Variants in USP28 observed in about 807,000 individuals in gnomAD.
The protein encoded by USP28 is ubiquitin carboxyl-terminal hydrolase 28.
Under a neutral mutation model 145.0 loss-of-function variants are expected in USP28, and 113 were observed. The observed-to-expected ratio is 0.78, with a 90% confidence interval of 0.67 to 0.91. The LOEUF (loss-of-function observed/expected upper bound fraction) is 0.91, where lower values mean the gene tolerates loss of function less well. Ranked by LOEUF, USP28 falls within the 40% of genes least tolerant of loss-of-function variation. USP28 has a pLI of 0.00. For synonymous variants in USP28, 447 were observed against 450.9 expected (o/e 0.99, Z 0.11); for missense variants, 1,201 against 1,289.6 (o/e 0.93, Z 1.05).
chr11:113,831,305 C>T (rs1020600948), intron 8 of USP28, among the ~76,000 whole-genome samples: 3 of 152,134 alleles, frequency 2.0e-5, no homozygotes, highest in Non-Finnish European at 4.4e-5. Flanking sequence ...AACTCTGTTG[C>T]ATAGTTTTAC....
intron 1 of USP28, among the ~76,000 whole-genome samples, chr11:113,864,736 A>G (rs1431698335): frequency 6.6e-6 from 1 of 152,232 alleles, no homozygotes; most frequent in Non-Finnish European, 1.5e-5. Context: ...CAGTCTACTG[A>G]TTCAATGTTA....
chr11:113,874,489 G>C (rs1270014622), intron 1 of USP28: 1 of 1,094,462 alleles, frequency 9.1e-7, no homozygotes, highest in Admixed American at 2.8e-5. Flanking sequence ...CCAGACAAAA[G>C]AGTAAAAAGG....
chr11:113,821,906 T>G (rs1591249570), intron 12 of USP28: 2 of 143,146 alleles, frequency 1.4e-5, no homozygotes, highest in Admixed American at 7.2e-5. Flanking sequence ...TGGTGGAGGG[T>G]GTGAGGGTGG....
At chr11:113,851,218 T>C (rs1385092237) in intron 3 of USP28, among the ~76,000 whole-genome samples, 1 of 152,156 alleles carries the variant, frequency 6.6e-6, no homozygotes, top group African/African-American at 2.4e-5. Context: ...CCACATTCTG[T>C]TCTCAACACC....
At chr11:113,874,798 A>T in intron 1 of USP28, 1 of 1,108,218 alleles carries the variant, frequency 9.0e-7, no homozygotes, top group Non-Finnish European at 1.1e-6. Flanking sequence ...TATTGATTTC[A>T]ATCTTCTTAG....
rs755831902 is a variant in USP28 at position 113,801,449 on chromosome 11, A to T, written c.3058+34T>A. 2.0e-6 allele frequency: 3 copies of T among 1,481,470 alleles called. No individual in the cohort carries two copies. The South Asian group carries it at 4.4e-5, about 22-fold the overall frequency. The allele number at this position is 1,481,470 out of a possible 1,614,324, so 91.8% of individuals were successfully genotyped here. A position where few individuals can be genotyped will look rare whatever the true frequency, so the allele number is the denominator to read the frequency against. On this transcript the variant is annotated intron_variant, in intron 24 of 24. Transcript: ENST00000003302. ...GAACACTGAAATTTCTACAATTCTC[A>T]AAACCTCAGAATATTATTACCAAGA... is the stretch of plus-strand genomic sequence containing the variant.
At chr11:113,867,063 T>C (rs569639179) in intron 1 of USP28, among the ~76,000 whole-genome samples, 3 of 152,312 alleles carry the variant, frequency 2.0e-5, no homozygotes, top group East Asian at 1.9e-4. Context: ...GCATGATCCA[T>C]TTACATGAAA....
At chr11:113,803,132 C>T (rs1250710781) in intron 23 of USP28, 26 bp downstream of exon 24, 6 of 1,598,482 alleles carry the variant, frequency 3.8e-6, no homozygotes, top group East Asian at 2.2e-5. Context: ...ACAAAAAAAC[C>T]TTAAGGCTTT....
At chr11:113,874,657 T>C (rs1949191740) in intron 1 of USP28, 6 of 1,271,036 alleles carry the variant, frequency 4.7e-6, no homozygotes, top group African/African-American at 1.6e-5. Flanking sequence ...TGTTAAGTTA[T>C]AACATTCCGA....
At chr11:113,831,764 G>A (rs371154023) in intron 8 of USP28, among the ~76,000 whole-genome samples, 156 bp downstream of exon 8, 148 of 152,000 alleles carry the variant, frequency 9.7e-4, no homozygotes, top group African/African-American at 3.0e-3. Context: ...AGCTGAAGGC[G>A]ACAGGGATAC....
chr11:113,868,453 T>C (rs1311755793), intron 1 of USP28, among the ~76,000 whole-genome samples: 1 of 152,116 alleles, frequency 6.6e-6, no homozygotes, highest in Non-Finnish European at 1.5e-5. Flanking sequence ...AAGTGGTAAG[T>C]CAGAAACTTT....
At chr11:113,839,275 G>C (rs1469322350) in intron 5 of USP28, among the ~76,000 whole-genome samples, 1 of 152,174 alleles carries the variant, frequency 6.6e-6, no homozygotes, top group Non-Finnish European at 1.5e-5. Flanking sequence ...AGGCACCTCA[G>C]ACTCGGCATA....
intron 1 of USP28, among the ~76,000 whole-genome samples, chr11:113,874,084 T>C (rs1228678694): frequency 7.0e-6 from 1 of 143,030 alleles, no homozygotes. Flanking sequence ...GAAGTTGCAG[T>C]GAGCCGAGAT....
chr11:113,861,855 A>G lies in USP28; in HGVS notation c.58-7520T>C, dbSNP rs1455836506. 2.0e-5 allele frequency among the ~76,000 whole-genome samples: 3 copies of G among 152,354 alleles called. No individual in the cohort carries two copies. The East Asian group carries it at 5.8e-4, about 29-fold the overall frequency. On this transcript the variant is annotated intron_variant, in intron 1 of 24. Transcript: ENST00000003302. The stretch of plus-strand genomic sequence containing the variant: ...AATATGAGAAATGAGGCTGACAAAC[A>G]TATCGAACACATCTCCAAAAATGAA...
intron 3 of USP28, among the ~76,000 whole-genome samples, chr11:113,843,671 CAA>C (rs573054023): frequency 4.8e-5 from 3 of 61,906 alleles, no homozygotes; most frequent in Non-Finnish European, 6.7e-5. Context: ...AACTCTATCT[CAA>C]AAAAAAAAAA....
chr11:113,859,981 G>GC (rs1442151463), intron 1 of USP28, among the ~76,000 whole-genome samples: 1 of 152,158 alleles, frequency 6.6e-6, no homozygotes, highest in African/African-American at 2.4e-5. Context: ...GTGCAATCTA[G>GC]CCCACTTCTC....
intron 3 of USP28, among the ~76,000 whole-genome samples, chr11:113,851,798 A>C (rs1225078558): frequency 1.3e-5 from 2 of 151,656 alleles, no homozygotes; most frequent in African/African-American, 4.8e-5. Flanking sequence ...AAAAAAAAAA[A>C]AAAGTCCATC....
chr11:113,815,734 T>G (rs1941638470), intron 13 of USP28, among the ~76,000 whole-genome samples: 1 of 151,928 alleles, frequency 6.6e-6, no homozygotes, highest in Non-Finnish European at 1.5e-5. Flanking sequence ...CCCATGAGGA[T>G]GGGAAGAGAA....
chr11:113,803,132 C>A, intron 23 of USP28, 26 bp downstream of exon 24: 1 of 1,598,600 alleles, frequency 6.3e-7, no homozygotes, highest in Non-Finnish European at 8.5e-7. Context: ...ACAAAAAAAC[C>A]TTAAGGCTTT....
Sources: gnomAD v4.1 joint callset for allele counts (sites outside exome capture counted in the v4.1 genomes callset) on GRCh38, gnomAD v4.1.1 for gene constraint, MANE v1.5 for transcripts, NCBI Gene and HGNC (gene_info 2026-07-23, HGNC 2026-07-21) for gene names.